CACNB2: variants seen among roughly 807,000 people sequenced by gnomAD.
The protein encoded by CACNB2 is voltage-dependent L-type calcium channel subunit beta-2.
In CACNB2, 42 loss-of-function variants were observed where a neutral mutation model predicts 73.3. That is an observed-to-expected ratio of 0.57 (90% CI 0.45 to 0.74). The LOEUF (loss-of-function observed/expected upper bound fraction) is 0.74. Ranked by LOEUF, CACNB2 falls within the 30% of genes least tolerant of loss-of-function variation. CACNB2 has a pLI of 0.00. For synonymous variants in CACNB2, 348 were observed against 310.3 expected (o/e 1.12, Z -1.28); for missense variants, 940 against 853.0 (o/e 1.10, Z -1.27).
intron 2 of CACNB2, among the ~76,000 whole-genome samples, chr10:18,363,487 G>A (rs1018135530): frequency 1.3e-5 from 2 of 152,154 alleles, no homozygotes; most frequent in Non-Finnish European, 2.9e-5. Context: ...TGTTGTGCTG[G>A]TTATTTCTTG....
intron 2 of CACNB2, among the ~76,000 whole-genome samples, chr10:18,340,079 T>C (rs1313866566): frequency 1.3e-5 from 2 of 152,184 alleles, no homozygotes; most frequent in Non-Finnish European, 2.9e-5. Context: ...TCTATTCACG[T>C]CTTGTTTTCC....
At chr10:18,325,880 G>A (rs1278132279) in intron 2 of CACNB2, among the ~76,000 whole-genome samples, 1 of 151,790 alleles carries the variant, frequency 6.6e-6, no homozygotes, top group Non-Finnish European at 1.5e-5. Flanking sequence ...GAGTAGCTGG[G>A]ACCAGAGGCG....
chr10:18,276,874 C>T (rs182935702), intron 2 of CACNB2, among the ~76,000 whole-genome samples: 14 of 152,288 alleles, frequency 9.2e-5, no homozygotes, highest in South Asian at 8.3e-4. Context: ...CCACCACACC[C>T]GGCCTTGCAG....
At chr10:18,241,240 G>A (rs1233647192) in intron 2 of CACNB2, among the ~76,000 whole-genome samples, 1 of 152,156 alleles carries the variant, frequency 6.6e-6, no homozygotes, top group East Asian at 1.9e-4. Context: ...TCCTAAGGCT[G>A]TGTCATGGGC....
intron 2 of CACNB2, among the ~76,000 whole-genome samples, chr10:18,165,340 G>A (rs2032774492): frequency 6.6e-6 from 1 of 152,232 alleles, no homozygotes; most frequent in African/African-American, 2.4e-5. Flanking sequence ...GATAGGTACA[G>A]TGCAGCCAAC....
chr10:18,264,933 G>T (rs1341290905), intron 2 of CACNB2, among the ~76,000 whole-genome samples: 1 of 152,166 alleles, frequency 6.6e-6, no homozygotes, highest in Non-Finnish European at 1.5e-5. Context: ...TAAATACATT[G>T]TGCTTAAGTA....
At position 18,150,879 on chromosome 10, in the gene CACNB2, T is replaced by TTTTTTTTTTTG. The variant is rs769211879; in HGVS notation, c.121-3_121-2insTTTTTTTTTGT. 210 of 1,259,680 alleles carry TTTTTTTTTTTG rather than the reference T, an allele frequency of 1.7e-4. 15 individuals are homozygous for TTTTTTTTTTTG. The highest frequency in any genetic ancestry group is 8.7e-4 in the African/African-American group (52 of 59,520). 78.0% of individuals were successfully genotyped at this position (1,259,680 alleles called of 1,614,324 possible). A position where few individuals can be genotyped will look rare whatever the true frequency, so the allele number is the denominator to read the frequency against. On this transcript the variant is annotated splice_polypyrimidine_tract_variant and splice_region_variant and intron_variant, in intron 1 of 13. Transcript: ENST00000324631. The stretch of plus-strand genomic sequence containing the variant: ...TCTTTTTTTTTTTTTTTTTTTTTTT[T>TTTTTTTTTTTG]TAGTCATATGGAAAAGGAGCCAGAA...
chr10:18,500,618 CT>C (rs2050141839), intron 4 of CACNB2, among the ~76,000 whole-genome samples, 193 bp from the exon 5 acceptor site: 1 of 152,148 alleles, frequency 6.6e-6, no homozygotes, highest in African/African-American at 2.4e-5. Flanking sequence ...AACGCAGAGC[CT>C]TTGATAGATT....
chr10:18,250,688 C>G lies in CACNB2; in HGVS notation c.213+99713C>G, dbSNP rs958622142. 2.0e-5 allele frequency among the ~76,000 whole-genome samples: 3 copies of G among 152,204 alleles called. No homozygotes were observed. In the East Asian group the frequency reaches 5.8e-4, roughly 29 times the overall value. On this transcript the variant is annotated intron_variant, in intron 2 of 13. Transcript: ENST00000324631. The stretch of plus-strand genomic sequence containing the variant: ...CCACTGTACAGCCTAGTGGTAGAAT[C>G]AAGACCATCGCAAACTGATTTTGAA...
intron 3 of CACNB2, among the ~76,000 whole-genome samples, chr10:18,469,174 A>G (rs1247727954): frequency 3.3e-5 from 5 of 152,134 alleles, no homozygotes; most frequent in African/African-American, 1.2e-4. Flanking sequence ...CAGGTGGTCC[A>G]TCCTGCAGTG....
chr10:18,529,306 T>C (rs1431667727), intron 10 of CACNB2, among the ~76,000 whole-genome samples: 2 of 152,220 alleles, frequency 1.3e-5, no homozygotes, highest in South Asian at 2.1e-4. Flanking sequence ...ATGTATTTCA[T>C]TGAGCATACA....
At chr10:18,189,187 G>A (rs1183422823) in intron 2 of CACNB2, among the ~76,000 whole-genome samples, 1 of 151,914 alleles carries the variant, frequency 6.6e-6, no homozygotes, top group Non-Finnish European at 1.5e-5. Flanking sequence ...GAAAATCTTG[G>A]GCTTTTACAG....
chr10:18,403,798 T>C (rs2044135480), intron 3 of CACNB2, among the ~76,000 whole-genome samples: 1 of 151,748 alleles, frequency 6.6e-6, no homozygotes, highest in Non-Finnish European at 1.5e-5. Context: ...GGCAAAATAA[T>C]TGAAAAACTA....
intron 1 of CACNB2, among the ~76,000 whole-genome samples, chr10:18,145,237 A>C (rs2030844228): frequency 6.6e-6 from 1 of 152,218 alleles, no homozygotes; most frequent in Non-Finnish European, 1.5e-5. Flanking sequence ...CAAAAAGAGT[A>C]GCAGCTGTTT....
intron 3 of CACNB2, among the ~76,000 whole-genome samples, chr10:18,430,407 G>T (rs956530155): frequency 6.6e-6 from 1 of 151,928 alleles, no homozygotes; most frequent in African/African-American, 2.4e-5. Context: ...GGAGTTGCAG[G>T]TTAACTTCTA....
chr10:18,437,676 C>T (rs1219642734), intron 3 of CACNB2, among the ~76,000 whole-genome samples: 2 of 152,132 alleles, frequency 1.3e-5, no homozygotes, highest in Non-Finnish European at 2.9e-5. Context: ...AGTTAGTAAG[C>T]ATCTTGGATC....
chr10:18,473,216 G>A (rs931535249), intron 3 of CACNB2, among the ~76,000 whole-genome samples: 2 of 152,126 alleles, frequency 1.3e-5, no homozygotes. Flanking sequence ...GCCTGTTAAC[G>A]TATCACAGGT....
chr10:18,224,846 T>C (rs2035929164), intron 2 of CACNB2, among the ~76,000 whole-genome samples: 1 of 152,208 alleles, frequency 6.6e-6, no homozygotes, highest in Non-Finnish European at 1.5e-5. Flanking sequence ...TTAAAGGGCC[T>C]CAGTCCTCCC....
chr10:18,192,352 A>T (rs1207032059), intron 2 of CACNB2, among the ~76,000 whole-genome samples: 2 of 151,914 alleles, frequency 1.3e-5, no homozygotes, highest in African/African-American at 4.8e-5. Flanking sequence ...TTTTTATTTT[A>T]ATTAATTATT....
Sources: gnomAD v4.1 joint callset for allele counts (sites outside exome capture counted in the v4.1 genomes callset) on GRCh38, gnomAD v4.1.1 for gene constraint, MANE v1.5 for transcripts, NCBI Gene and HGNC (gene_info 2026-07-23, HGNC 2026-07-21) for gene names.